The following CCDC102B variants were observed in gnomAD, a reference collection of about 807,000 sequenced individuals.
The protein encoded by CCDC102B is coiled-coil domain containing 102B, also known as coiled-coil domain-containing protein 102B.
CCDC102B carries 75 observed loss-of-function variants against 57.4 expected under a neutral mutation model. The ratio of observed to expected loss-of-function variants is 1.31; its 90% CI spans 1.08 to 1.58. The LOEUF (loss-of-function observed/expected upper bound fraction) is 1.58. Among genes scored for constraint, CCDC102B ranks in the 40% most tolerant of loss-of-function variants. The pLI is 0.00. For missense variants in CCDC102B, 636 were observed against 582.6 expected (o/e 1.09, Z -0.94); for synonymous variants, 206 against 201.9 (o/e 1.02, Z -0.17).
rs117286491 is a variant in CCDC102B, at chr18:68,830,569, T to C, written c.-15-6180T>C. Among the ~76,000 whole-genome samples, 1,372 of 145,330 alleles carry C rather than the reference T, an allele frequency of 9.4e-3. 13 individuals carry two copies. Among genetic ancestry groups the C allele is most frequent in the Non-Finnish European group, 0.014 (961 of 67,290 alleles). Reference sequence around the variant, plus strand: ...TGATGAATTGACTGTCAGGTTTCCATACACACAGGTAAAATATGTAGAACA... The same window carrying C: ...TGATGAATTGACTGTCAGGTTTCCACACACACAGGTAAAATATGTAGAACA... On this transcript the variant is annotated intron_variant, in intron 1 of 7. Coordinates refer to ENST00000360242, the MANE Select transcript of CCDC102B (RefSeq NM_024781.3).
intron 6 of CCDC102B, among the ~76,000 whole-genome samples, chr18:68,972,098 T>C (rs1055430996): frequency 1.3e-5 from 2 of 152,178 alleles, no homozygotes; most frequent in African/African-American, 4.8e-5. Flanking sequence ...GGCTGGAACA[T>C]AGACATTTAC....
intron 6 of CCDC102B, among the ~76,000 whole-genome samples, chr18:68,948,497 G>GAA (rs76673025): frequency 6.6e-6 from 1 of 151,634 alleles, no homozygotes; most frequent in Non-Finnish European, 1.5e-5. Flanking sequence ...AGTGTATTTG[G>GAA]AAAAATCAAT....
chr18:68,987,672 A>T (rs1251778205), intron 6 of CCDC102B, among the ~76,000 whole-genome samples: 3 of 152,110 alleles, frequency 2.0e-5, no homozygotes, highest in African/African-American at 4.8e-5. Flanking sequence ...GGTCTAACAC[A>T]CAGAATCTAC....
In CCDC102B at chr18:68,839,190, A is replaced by G. The variant is rs72951343; in HGVS notation, c.827+264A>G. ...TCTCTGGTAGATTCACTTTAATTGT[A>G]TATGAATTCTTAATGTACAAGGTTA... On this transcript the variant is annotated intron_variant, in intron 3 of 7. Coordinates refer to ENST00000360242, the MANE Select transcript of CCDC102B (RefSeq NM_024781.3). 5.8e-3 allele frequency among the ~76,000 whole-genome samples: 878 copies of G among 152,334 alleles called. 7 individuals carry two copies. Among genetic ancestry groups the G allele is most frequent in the Non-Finnish European group, 9.1e-3 (619 of 68,018 alleles).
chr18:68,874,168 G>A (rs1568303867), intron 4 of CCDC102B, among the ~76,000 whole-genome samples: 1 of 82,124 alleles, frequency 1.2e-5, no homozygotes, highest in East Asian at 3.0e-4. Context: ...CAGTGTGTGT[G>A]TATGTGTGTG....
At chr18:68,820,404 C>T (rs1466185867) in intron 1 of CCDC102B, among the ~76,000 whole-genome samples, 1 of 152,070 alleles carries the variant, frequency 6.6e-6, no homozygotes, top group Non-Finnish European at 1.5e-5. Flanking sequence ...GGAGCATATT[C>T]AACTTCGTGA....
intron 6 of CCDC102B, among the ~76,000 whole-genome samples, chr18:68,977,296 G>A (rs980373849): frequency 2.6e-5 from 4 of 151,844 alleles, no homozygotes; most frequent in Non-Finnish European, 5.9e-5. Flanking sequence ...TTTAAGTTCT[G>A]GGATACAACT....
intron 1 of CCDC102B, among the ~76,000 whole-genome samples, chr18:68,806,905 A>G (rs1161651867): frequency 6.6e-6 from 1 of 152,160 alleles, no homozygotes; most frequent in East Asian, 1.9e-4. Flanking sequence ...CCTCATTTCA[A>G]GCGTTCCCTA....
At chr18:68,790,082 C>A (rs1232574488) in intron 2 of CCDC102B, among the ~76,000 whole-genome samples, 1 of 147,910 alleles carries the variant, frequency 6.8e-6, no homozygotes, top group Non-Finnish European at 1.5e-5. Context: ...TGTTGGAATA[C>A]CCTGCCATGT....
chr18:68,756,895 G>C (rs1000978414), intron 2 of CCDC102B, among the ~76,000 whole-genome samples: 221 of 152,082 alleles, frequency 1.5e-3, no homozygotes, highest in Non-Finnish European at 2.7e-3. Flanking sequence ...GTGTGTGTGT[G>C]TGTGTGTGTC....
In CCDC102B at chr18:68,982,593, T is replaced by C. The variant is rs182641538; in HGVS notation, c.1264-28341T>C. On this transcript the variant is annotated intron_variant, in intron 6 of 7. Coordinates refer to ENST00000360242, the MANE Select transcript of CCDC102B (RefSeq NM_024781.3). ...GCTGTATAATTCTCTTTTCCAATCA[T>C]ATGTCAGGGCAATTTTTAATTTTTA... 7.9e-5 allele frequency among the ~76,000 whole-genome samples: 12 copies of C among 152,120 alleles called. No homozygotes were observed. The East Asian group carries it at 2.3e-3, about 29-fold the overall frequency.
intron 6 of CCDC102B, among the ~76,000 whole-genome samples, chr18:68,956,105 G>A (rs2049839104): frequency 6.6e-6 from 1 of 151,102 alleles, no homozygotes; most frequent in Non-Finnish European, 1.5e-5. Context: ...TTAACAAAAT[G>A]ACCTCCAGTT....
chr18:69,035,611 C>G (rs2052269656), intron 7 of CCDC102B, among the ~76,000 whole-genome samples: 1 of 152,034 alleles, frequency 6.6e-6, no homozygotes, highest in Admixed American at 6.6e-5. Flanking sequence ...TCTCAAAAGA[C>G]AACTGCTTTC....
intron 6 of CCDC102B, among the ~76,000 whole-genome samples, chr18:69,007,748 A>G (rs2051391366): frequency 6.6e-6 from 1 of 152,244 alleles, no homozygotes; most frequent in Admixed American, 6.5e-5. Context: ...CCTGAGAATA[A>G]GTTGATATTC....
At chr18:68,741,709 AC>A in intron 2 of CCDC102B, among the ~76,000 whole-genome samples, 1 of 75,776 alleles carries the variant, frequency 1.3e-5, no homozygotes, top group African/African-American at 5.0e-5. Context: ...ACACACACAC[AC>A]ACACCCCAAG....
chr18:69,025,797 A>G (rs1183255869), intron 7 of CCDC102B, among the ~76,000 whole-genome samples: 1 of 152,252 alleles, frequency 6.6e-6, no homozygotes, highest in Non-Finnish European at 1.5e-5. Flanking sequence ...GGTGATAATC[A>G]TATTTTAGAG....
intron 4 of CCDC102B, chr18:68,867,168 A>G (rs771331543): frequency 5.6e-5 from 9 of 161,614 alleles, no homozygotes; most frequent in Non-Finnish European, 1.2e-4. Flanking sequence ...CCTGGAGCTC[A>G]GTAGCAGTAG....
intron 7 of CCDC102B, among the ~76,000 whole-genome samples, chr18:69,012,478 A>G (rs2145397574): frequency 6.6e-6 from 1 of 152,146 alleles, no homozygotes; most frequent in Admixed American, 6.5e-5. Context: ...GGGTAACATT[A>G]TTTGTTCCTC....
intron 4 of CCDC102B, among the ~76,000 whole-genome samples, chr18:68,852,156 A>G (rs903681267): frequency 2.6e-5 from 4 of 152,116 alleles, no homozygotes; most frequent in African/African-American, 7.2e-5. Context: ...ATGTACAGAC[A>G]TCAAAGGTAT....
Sources: allele counts gnomAD v4.1 joint callset (sites outside exome capture counted in the v4.1 genomes callset), GRCh38; gene constraint gnomAD v4.1.1; transcripts MANE v1.5; gene names NCBI Gene and HGNC (gene_info 2026-07-23, HGNC 2026-07-21).